The following ZFHX3 variants were observed in gnomAD, a reference collection of about 807,000 sequenced individuals.
The protein encoded by ZFHX3 is zinc finger homeobox 3, also known as zinc finger homeobox protein 3.
In ZFHX3, 42 loss-of-function variants were observed where a neutral mutation model predicts 279.1. The ratio of observed to expected loss-of-function variants is 0.15; its 90% CI spans 0.12 to 0.19. The LOEUF (loss-of-function observed/expected upper bound fraction) is 0.19, where lower values mean the gene tolerates loss of function less well. Ranked by LOEUF, ZFHX3 falls within the 10% of genes least tolerant of loss-of-function variation. The pLI is 1.00. For synonymous variants in ZFHX3, 2,293 were observed against 1,957.8 expected, an observed-to-expected ratio of 1.17 and a Z score of -4.52; for missense variants, 4,981 against 4,754.0, an observed-to-expected ratio of 1.05 and a Z score of -1.40.
intron 2 of ZFHX3, among the ~76,000 whole-genome samples, chr16:73,668,974 A>G (rs116325929): frequency 0.014 from 2,201 of 151,918 alleles, 54 homozygotes; most frequent in African/African-American, 0.049. Context: ...TAGTTCAACC[A>G]TTGTGGAAGA....
intron 9 of ZFHX3, chr16:72,790,974 T>G (rs2143342239): frequency 6.6e-6 from 1 of 152,086 alleles, no homozygotes; most frequent in South Asian, 2.1e-4. Context: ...TTACCAAGCC[T>G]TGCACTAGCC....
intron 1 of ZFHX3, among the ~76,000 whole-genome samples, chr16:73,748,543 T>C (rs1412790978): frequency 2.0e-5 from 3 of 152,232 alleles, no homozygotes; most frequent in South Asian, 4.2e-4. Context: ...TCCTCCCTTA[T>C]GCTGTTGCTC....
chr16:73,129,263 C>T lies in ZFHX3; in HGVS notation c.-897+1705G>A, dbSNP rs192865949. ...ATTAGCCAGGCGTGGTGGTGGGTTC[C>T]TGTAATCCCAGCTACTCAGGAGGCT... is the stretch of plus-strand genomic sequence containing the variant. On this transcript the variant is annotated intron_variant, in intron 7 of 17. Transcript: ENST00000641206. Among the ~76,000 whole-genome samples, 175 of 152,104 alleles carry T rather than the reference C, an allele frequency of 1.2e-3. 1 individual carries two copies. Among genetic ancestry groups the T allele is most frequent in the Middle Eastern group, 6.8e-3 (2 of 294 alleles).
intron 7 of ZFHX3, among the ~76,000 whole-genome samples, chr16:73,125,711 G>T: frequency 6.6e-6 from 1 of 152,010 alleles, no homozygotes; most frequent in East Asian, 1.9e-4. Context: ...GGCTCTCCTT[G>T]CTCCTCAGCC....
chr16:73,629,450 C>T (rs2052448073), intron 2 of ZFHX3, among the ~76,000 whole-genome samples: 1 of 152,060 alleles, frequency 6.6e-6, no homozygotes, highest in Non-Finnish European at 1.5e-5. Flanking sequence ...GCAACCTCTA[C>T]ACCCAAATCG....
intron 2 of ZFHX3, among the ~76,000 whole-genome samples, chr16:73,503,870 T>C (rs1475696242): frequency 1.3e-5 from 2 of 152,204 alleles, no homozygotes; most frequent in East Asian, 3.8e-4. Flanking sequence ...CCTGAAGGAA[T>C]GAAACGAGGT....
At chr16:73,613,118 T>C (rs1220086338) in intron 2 of ZFHX3, among the ~76,000 whole-genome samples, 1 of 152,162 alleles carries the variant, frequency 6.6e-6, no homozygotes, top group Non-Finnish European at 1.5e-5. Flanking sequence ...ATAGTGAAAA[T>C]TAAACCTAGA....
At chr16:73,722,328 GA>G (rs1371988060) in intron 1 of ZFHX3, among the ~76,000 whole-genome samples, 4 of 152,218 alleles carry the variant, frequency 2.6e-5, no homozygotes, top group African/African-American at 4.8e-5. Context: ...TGTGAAAAAT[GA>G]AGAGTGCATT....
intron 1 of ZFHX3, among the ~76,000 whole-genome samples, chr16:73,817,811 C>T (rs114711806): frequency 0.012 from 1,774 of 152,264 alleles, 44 homozygotes; most frequent in African/African-American, 0.041. Context: ...CTCGCTCTTA[C>T]TTGATGTACT....
chr16:73,279,064 C>T (rs1040490409), intron 4 of ZFHX3, among the ~76,000 whole-genome samples: 11 of 152,154 alleles, frequency 7.2e-5, no homozygotes, highest in Non-Finnish European at 1.0e-4. Context: ...CTTAAACTTC[C>T]GGTCTATGCA....
chr16:73,309,044 G>C (rs1470298148), intron 4 of ZFHX3, among the ~76,000 whole-genome samples: 2 of 152,014 alleles, frequency 1.3e-5, no homozygotes, highest in African/African-American at 4.8e-5. Flanking sequence ...AACACAGATG[G>C]GAAGCTATGA....
In ZFHX3 at chr16:73,094,339, C is replaced by T. The variant is rs9924116; in HGVS notation, c.-896-741G>A. Among the ~76,000 whole-genome samples, 691 of 152,308 alleles carry T rather than the reference C, an allele frequency of 4.5e-3. 6 individuals are homozygous for T. The highest frequency in any genetic ancestry group is 0.015 in the African/African-American group (616 of 41,566). On this transcript the variant is annotated intron_variant, in intron 7 of 17. Transcript: ENST00000641206. The stretch of plus-strand genomic sequence containing the variant: ...CCCTACCCTGACTCCAGTCCAGGGG[C>T]TGGTCCTGTAAACCTTCTCTTCATA...
intron 1 of ZFHX3, among the ~76,000 whole-genome samples, chr16:73,021,483 C>G (rs1964295017): frequency 6.6e-6 from 1 of 152,116 alleles, no homozygotes; most frequent in Non-Finnish European, 1.5e-5. Flanking sequence ...GAAATAGAGT[C>G]TTTGAAGTAA....
chr16:73,840,986 G>C (rs941017050), intron 1 of ZFHX3, among the ~76,000 whole-genome samples: 1 of 152,258 alleles, frequency 6.6e-6, no homozygotes, highest in African/African-American at 2.4e-5. Flanking sequence ...ACCAGGAAAA[G>C]CAATAGGAAA....
intron 5 of ZFHX3, among the ~76,000 whole-genome samples, chr16:73,180,415 T>C (rs1289646813): frequency 6.6e-6 from 1 of 152,218 alleles, no homozygotes; most frequent in Non-Finnish European, 1.5e-5. Context: ...CTGCTCTGTA[T>C]ACTCTACCTG....
intron 3 of ZFHX3, among the ~76,000 whole-genome samples, chr16:73,342,894 TG>T (rs1453201063): frequency 6.6e-6 from 1 of 152,122 alleles, no homozygotes; most frequent in African/African-American, 2.4e-5. Context: ...TGACACTGTG[TG>T]GGGGCTGGGG....
At chr16:73,746,618 A>T (rs2053705887) in intron 1 of ZFHX3, among the ~76,000 whole-genome samples, 2 of 152,154 alleles carry the variant, frequency 1.3e-5, no homozygotes, top group African/African-American at 2.4e-5. Context: ...TCCTGTATGG[A>T]GGACCAATTT....
intron 4 of ZFHX3, among the ~76,000 whole-genome samples, chr16:72,849,383 G>A (rs1567546665): frequency 1.3e-5 from 2 of 152,146 alleles, no homozygotes; most frequent in South Asian, 2.1e-4. Flanking sequence ...GGGCCCAGCC[G>A]GCTCAGCCTG....
intron 4 of ZFHX3, among the ~76,000 whole-genome samples, chr16:72,857,512 T>A (rs1311306736): frequency 2.0e-5 from 3 of 152,176 alleles, no homozygotes; most frequent in Non-Finnish European, 4.4e-5. Context: ...TAGCGAGACT[T>A]CATCTCTACA....
Sources: allele counts gnomAD v4.1 joint callset (sites outside exome capture counted in the v4.1 genomes callset), GRCh38; gene constraint gnomAD v4.1.1; transcripts MANE v1.5; gene names NCBI Gene and HGNC (gene_info 2026-07-23, HGNC 2026-07-21).